ELAVL2: variants seen among roughly 807,000 people sequenced by gnomAD.
The protein encoded by ELAVL2 is ELAV-like protein 2.
Under a neutral mutation model 34.6 loss-of-function variants are expected in ELAVL2, and 4 were observed. The ratio of observed to expected loss-of-function variants is 0.12; its 90% confidence interval spans 0.06 to 0.26. The LOEUF (loss-of-function observed/expected upper bound fraction) is 0.26, where lower values mean the gene tolerates loss of function less well. Among genes scored for constraint, ELAVL2 ranks in the 10% least tolerant of loss-of-function variants. The pLI is 1.00. For synonymous variants in ELAVL2, 193 were observed against 154.8 expected, an observed-to-expected ratio of 1.25 and a Z score of -1.83; for missense variants, 432 against 442.8, an observed-to-expected ratio of 0.98 and a Z score of 0.22.
rs1240456368 is a variant in ELAVL2, at chr9:23,704,857, A to G, written c.487+61T>C. ...CAAGACTGCTACATGGAAAGACAGA[A>G]TATTTCACAATCTGCTAGTCAGAGA... is the stretch of plus-strand genomic sequence containing the variant. On this transcript the variant is annotated intron_variant, in intron 4 of 6. Coordinates refer to ENST00000397312, the MANE Select transcript of ELAVL2 (RefSeq NM_004432.5). The G allele has an allele frequency of 3.8e-6, 6 of 1,593,348 alleles. No homozygotes were observed. The African/African-American group carries it at 4.0e-5, about 11-fold the overall frequency.
chr9:23,816,317 T>TTA (rs752584065), intron 1 of ELAVL2, among the ~76,000 whole-genome samples: 1 of 44,706 alleles, frequency 2.2e-5, no homozygotes, highest in Non-Finnish European at 3.8e-5. Context: ...AAGCTTTCAG[T>TTA]AAAAAAAAAA....
rs76025658 is a variant in ELAVL2 at position 23,762,180 on chromosome 9, T to C, written c.55A>G (p.Thr19Ala). ...GACGAACAGTTGTTGTTTATGGTGGTTGGACCATTGGCTGTGTTATTGCAA... is the reference window on the plus strand; with the variant it reads ...GACGAACAGTTGTTGTTTATGGTGGCTGGACCATTGGCTGTGTTATTGCAA... ...PTCNNTANGPTTINNNCSSPV... is the reference protein window; with the variant it reads ...PTCNNTANGPATINNNCSSPV... Residue 19 changes from threonine to alanine, a missense_variant, in exon 2 of 7, where the codon ACC (threonine) becomes GCC (alanine). Physicochemically the swap from Thr to Ala is moderately conservative, Grantham distance 58. Transcript: ENST00000397312. The C allele has an allele frequency of 2.5e-6, 4 of 1,613,638 alleles. No homozygotes were observed. The highest frequency in any genetic ancestry group is 1.1e-5 in the South Asian group (1 of 91,076).
intron 1 of ELAVL2, 81 bp from the exon 2 acceptor site, chr9:23,762,330 G>C (rs1588213718): frequency 1.3e-6 from 2 of 1,524,538 alleles, no homozygotes; most frequent in Non-Finnish European, 1.8e-6. Flanking sequence ...TTAAACACTT[G>C]TCACTAAACA....
intron 3 of ELAVL2, 132 bp downstream of exon 3, chr9:23,730,890 C>T: frequency 1.2e-6 from 1 of 803,130 alleles, no homozygotes; most frequent in Non-Finnish European, 1.9e-6. Flanking sequence ...GCAACAAACA[C>T]CAAAATTCCA....
At chr9:23,803,949 C>T (rs1050926626) in intron 1 of ELAVL2, among the ~76,000 whole-genome samples, 3 of 152,134 alleles carry the variant, frequency 2.0e-5, no homozygotes, top group South Asian at 2.1e-4. Flanking sequence ...GAGCACCCAA[C>T]GACCATGCAC....
upstream of ELAVL2, among the ~76,000 whole-genome samples, chr9:23,829,128 C>G (rs1365815172): frequency 6.6e-6 from 1 of 152,216 alleles, no homozygotes; most frequent in Non-Finnish European, 1.5e-5. Context: ...TCTGACATAT[C>G]TTCCAAGTTC....
intron 1 of ELAVL2, among the ~76,000 whole-genome samples, chr9:23,773,142 G>A (rs969818067): frequency 6.6e-6 from 1 of 152,194 alleles, no homozygotes; most frequent in Non-Finnish European, 1.5e-5. Flanking sequence ...TGAGGAAAGG[G>A]TTGCTAAGGG....
chr9:23,794,510 A>G (rs1406306340), intron 1 of ELAVL2, among the ~76,000 whole-genome samples: 1 of 152,220 alleles, frequency 6.6e-6, no homozygotes, highest in African/African-American at 2.4e-5. Context: ...ACCCTAATCC[A>G]TACTGGATAG....
chr9:23,712,790 GCTTCAACTTAA>G (rs1328809585), intron 3 of ELAVL2, among the ~76,000 whole-genome samples: 2 of 152,164 alleles, frequency 1.3e-5, no homozygotes, highest in African/African-American at 4.8e-5. Flanking sequence ...GTTGATCTTA[GCTTCAACTTAA>G]AGGCGACCTA....
At chr9:23,797,216 A>C (rs189663274) in intron 1 of ELAVL2, among the ~76,000 whole-genome samples, 1 of 152,352 alleles carries the variant, frequency 6.6e-6, no homozygotes, top group African/African-American at 2.4e-5. Context: ...ACTTAAGCCC[A>C]AAAGTGAACC....
intron 2 of ELAVL2, among the ~76,000 whole-genome samples, chr9:23,737,682 T>G (rs1033544257): frequency 7.9e-5 from 12 of 152,222 alleles, no homozygotes; most frequent in African/African-American, 2.9e-4. Flanking sequence ...GTGACTACAC[T>G]GATTGATGTG....
intron 1 of ELAVL2, among the ~76,000 whole-genome samples, chr9:23,810,852 G>C (rs746812715): frequency 2.0e-5 from 3 of 152,112 alleles, no homozygotes; most frequent in African/African-American, 4.8e-5. Context: ...GAAATGCTCC[G>C]TGTCTCCTGG....
At chr9:23,744,297 T>G (rs1232194438) in intron 2 of ELAVL2, among the ~76,000 whole-genome samples, 1 of 152,206 alleles carries the variant, frequency 6.6e-6, no homozygotes, top group African/African-American at 2.4e-5. Flanking sequence ...TACAAAATGT[T>G]AGGTATTCAA....
chr9:23,699,566 G>A (rs978400337), intron 5 of ELAVL2, among the ~76,000 whole-genome samples: 1 of 152,092 alleles, frequency 6.6e-6, no homozygotes, highest in African/African-American at 2.4e-5. Flanking sequence ...AAATTAACTG[G>A]ACAAGCTGCC....
At chr9:23,803,608 C>A (rs2061837227) in intron 1 of ELAVL2, among the ~76,000 whole-genome samples, 1 of 152,172 alleles carries the variant, frequency 6.6e-6, no homozygotes, top group African/African-American at 2.4e-5. Flanking sequence ...CTGGCTCTCT[C>A]AAACAAAATA....
At chr9:23,783,953 G>C (rs1428106024) in intron 1 of ELAVL2, among the ~76,000 whole-genome samples, 1 of 152,150 alleles carries the variant, frequency 6.6e-6, no homozygotes, top group Non-Finnish European at 1.5e-5. Flanking sequence ...CCAGCACTTT[G>C]GGAGGCTGAG....
At chr9:23,763,144 G>A (rs1375445886) in intron 1 of ELAVL2, among the ~76,000 whole-genome samples, 1 of 152,032 alleles carries the variant, frequency 6.6e-6, no homozygotes, top group Non-Finnish European at 1.5e-5. Flanking sequence ...ACCAGCCCAA[G>A]GAATTCTCGT....
rs950508413 is a variant in ELAVL2 at position 23,786,798 on chromosome 9, A to G, written c.-15-24549T>C. Among the ~76,000 whole-genome samples the G allele has an allele frequency of 6.1e-4, 92 of 150,120 alleles. 1 individual carries two copies. Among genetic ancestry groups the G allele is most frequent in the African/African-American group, 2.1e-3 (88 of 41,068 alleles). On this transcript the variant is annotated intron_variant, in intron 1 of 6. Transcript: ENST00000397312. ...TTTAGTGGCAAAAAAAAAAAAAAAA[A>G]AAAAAGAGAGAGAGAGAAAGGAAAG...
Position 23,791,237 on chromosome 9 carries a change from C to T in ELAVL2, c.-15-28988G>A, listed in dbSNP as rs183683084. Among the ~76,000 whole-genome samples, 161 of 152,242 alleles carry T rather than the reference C, an allele frequency of 1.1e-3. 1 individual carries two copies. Among genetic ancestry groups the T allele is most frequent in the Admixed American group, 1.9e-3 (29 of 15,304 alleles). On this transcript the variant is annotated intron_variant, in intron 1 of 6. Transcript: ENST00000397312. ...ATCTCCAGGTTGAAAACGGCAAATG[C>T]TAATCGCAGGGGTGGGAGCAAGGAG... is the stretch of plus-strand genomic sequence containing the variant.
Sources: allele counts gnomAD v4.1 joint callset (sites outside exome capture counted in the v4.1 genomes callset), GRCh38; gene constraint gnomAD v4.1.1; transcripts MANE v1.5; gene names NCBI Gene and HGNC (gene_info 2026-07-23, HGNC 2026-07-21).